The following EGF variants were observed in gnomAD, a reference collection of about 807,000 sequenced individuals.
EGF encodes epidermal growth factor, also known as pro-epidermal growth factor.
A neutral mutation model predicts 143.8 loss-of-function variants in EGF; 95 were observed. The ratio of observed to expected loss-of-function variants is 0.66; its 90% CI spans 0.56 to 0.78. The LOEUF (loss-of-function observed/expected upper bound fraction) is 0.78, where lower values mean the gene tolerates loss of function less well. EGF is among the 30% of genes least tolerant of loss of function. EGF has a pLI of 0.00. For synonymous variants in EGF, 510 were observed against 510.5 expected, an observed-to-expected ratio of 1.00 and a Z score of 0.01; for missense variants, 1,320 against 1,470.9, an observed-to-expected ratio of 0.90 and a Z score of 1.68.
At chr4:109,968,812 C>A in intron 10 of EGF, 159 bp from the exon 11 acceptor site, 2 of 794,372 alleles carry the variant, frequency 2.5e-6, no homozygotes, top group South Asian at 1.6e-5. Flanking sequence ...TAAGGTTACA[C>A]GTATCTGGGA....
chr4:109,971,288 C>G (rs1019849753), intron 11 of EGF, among the ~76,000 whole-genome samples: 1 of 152,146 alleles, frequency 6.6e-6, no homozygotes, highest in African/African-American at 2.4e-5. Context: ...TTAAAATCAA[C>G]TTCAGTTGTA....
chr4:109,914,891 A>C (rs1309937477), intron 1 of EGF, among the ~76,000 whole-genome samples: 2 of 152,160 alleles, frequency 1.3e-5, no homozygotes, highest in African/African-American at 4.8e-5. Flanking sequence ...AAATATCTAG[A>C]GTTGGGCACT....
intron 13 of EGF, among the ~76,000 whole-genome samples, chr4:109,976,909 A>T (rs1407469166): frequency 2.6e-5 from 4 of 152,186 alleles, no homozygotes; most frequent in African/African-American, 4.8e-5. Context: ...AATTTAGTAG[A>T]GGGGCATTGA....
chr4:109,976,204 A>G lies in EGF; in HGVS notation c.2022A>G (p.Ser674=), dbSNP rs754577309. 1 of 1,614,104 alleles carries G rather than the reference A, an allele frequency of 6.2e-7. No homozygotes were observed. The highest frequency in any genetic ancestry group is 8.5e-7 in the Non-Finnish European group (1 of 1,179,994). Reference sequence around the variant, plus strand: ...TTGAAATGGCCAATCTGGATGGTTCAAAACGCCGAAGACTTACCCAGAATG... The same window carrying G: ...TTGAAATGGCCAATCTGGATGGTTCGAAACGCCGAAGACTTACCCAGAATG... ...SVIEMANLDG[S]KRRRLTQNDV... The change falls in exon 13 of 24, where the codon TCA becomes TCG. Residue 674 remains serine (S), a synonymous_variant. Transcript: ENST00000265171.
At chr4:109,967,426 C>T (rs1433467003) in intron 10 of EGF, among the ~76,000 whole-genome samples, 1 of 152,168 alleles carries the variant, frequency 6.6e-6, no homozygotes, top group Non-Finnish European at 1.5e-5. Context: ...TAGTACCATA[C>T]TGTTTGGGTT....
chr4:109,932,094 T>A (rs1739804847), intron 1 of EGF, among the ~76,000 whole-genome samples: 1 of 151,942 alleles, frequency 6.6e-6, no homozygotes, highest in Admixed American at 6.6e-5. Flanking sequence ...TTGTTATTAT[T>A]ATTGCTGTTA....
intron 5 of EGF, among the ~76,000 whole-genome samples, chr4:109,952,078 A>G (rs1352457951): frequency 6.6e-6 from 1 of 152,204 alleles, no homozygotes; most frequent in Non-Finnish European, 1.5e-5. Context: ...GATTAAACTT[A>G]TTAGCCAGAT....
At chr4:109,951,938 C>CT (rs1244174584) in intron 5 of EGF, among the ~76,000 whole-genome samples, 1 of 152,184 alleles carries the variant, frequency 6.6e-6, no homozygotes, top group African/African-American at 2.4e-5. Flanking sequence ...CTATTTCTCT[C>CT]TCTCTTTTTA....
chr4:109,944,106 CA>C lies in EGF; in HGVS notation c.737+38del, dbSNP rs1742401270. On this transcript the variant is annotated intron_variant, in intron 4 of 23. Coordinates refer to ENST00000265171, the MANE Select transcript of EGF (RefSeq NM_001963.6). ...TCTTGGTATAAAATAAAACAATTGT[CA>C]TTTGAAGTCCACAAGATAAATTAAT... is the stretch of plus-strand genomic sequence containing the variant. The C allele has an allele frequency of 3.8e-6, 6 of 1,582,928 alleles. No individual in the cohort carries two copies. The African/African-American group carries it at 8.1e-5, about 21-fold the overall frequency.
intron 21 of EGF, among the ~76,000 whole-genome samples, chr4:110,003,481 G>T (rs561648241): frequency 6.6e-6 from 1 of 152,144 alleles, no homozygotes; most frequent in African/African-American, 2.4e-5. Flanking sequence ...CCATCTCTTG[G>T]TACTGTCTGT....
rs753726274 is a variant in EGF, at chr4:109,964,442, C to A, written c.1480C>A (p.Arg494=). 6.2e-7 allele frequency: 1 copy of A among 1,613,912 alleles called. No homozygotes were observed. Among genetic ancestry groups the A allele is most frequent in the Non-Finnish European group, 8.5e-7 (1 of 1,179,866 alleles). ...GCTGTTTGCCAATTCTCAAGATATT[C>A]GACACATGCATTTTGATGGAACAGA... is the stretch of plus-strand genomic sequence containing the variant. ...FLLFANSQDI[R]HMHFDGTDYG... Residue 494 remains arginine, a synonymous_variant, in exon 10 of 24, where the codon CGA becomes AGA. Coordinates refer to ENST00000265171, the MANE Select transcript of EGF (RefSeq NM_001963.6).
intron 1 of EGF, among the ~76,000 whole-genome samples, chr4:109,917,458 T>C (rs144896510): frequency 2.8e-4 from 43 of 152,218 alleles, no homozygotes; most frequent in African/African-American, 9.1e-4. Flanking sequence ...CCTTGGGTAG[T>C]ATGGTTGGTT....
At chr4:109,999,898 G>C (rs1327186097) in intron 21 of EGF, 52 bp downstream of exon 21, 1 of 1,609,258 alleles carries the variant, frequency 6.2e-7, no homozygotes, top group Admixed American at 1.7e-5. Context: ...GACCTCCCAG[G>C]GGAATGCCTG....
At chr4:109,963,033 C>G (rs945964394) in intron 8 of EGF, 140 bp from the exon 9 acceptor site, 46 of 1,030,050 alleles carry the variant, frequency 4.5e-5, no homozygotes, top group Non-Finnish European at 6.0e-5. Context: ...CCATTGCACT[C>G]CAGCCTGGGT....
intron 1 of EGF, among the ~76,000 whole-genome samples, chr4:109,917,395 C>T (rs1208014846): frequency 1.3e-5 from 2 of 152,126 alleles, no homozygotes; most frequent in East Asian, 1.9e-4. Flanking sequence ...AAATTAAAAA[C>T]CTTACTTTAT....
intron 20 of EGF, among the ~76,000 whole-genome samples, 180 bp downstream of exon 20, chr4:109,995,060 G>A (rs1182357568): frequency 1.3e-5 from 2 of 152,156 alleles, no homozygotes; most frequent in African/African-American, 2.4e-5. Flanking sequence ...TGTGTATCAC[G>A]ATGCCCCCTT....
rs754378480 is a variant in EGF, at chr4:109,943,915, C to G, written c.583C>G (p.Leu195Val). 1.2e-6 allele frequency: 2 copies of G among 1,613,986 alleles called. No individual in the cohort carries two copies. The highest frequency in any genetic ancestry group is 1.7e-6 in the Non-Finnish European group (2 of 1,179,974). The change falls in exon 4 of 24, where the codon CTG (leucine) becomes GTG (valine). Residue 195 changes from leucine to valine, a missense_variant. By Grantham distance (32) the Leu-to-Val change is conservative. This residue lies in a region of EGF where 1,186 missense variants were observed against 1,313.7 expected (regional missense o/e 0.90). Coordinates refer to ENST00000265171, the MANE Select transcript of EGF (RefSeq NM_001963.6). ...TCTCGATGGTGTGGGAGTGAAGGCT[C>G]TGTTGGAGACATCAGAGAAAATAAC... is the stretch of plus-strand genomic sequence containing the variant. ...ADLDGVGVKA[L>V]LETSEKITAV...
In EGF at chr4:109,943,292, A is replaced by G; in HGVS notation, c.366A>G (p.Ala122=). The G allele has an allele frequency of 6.2e-7, 1 of 1,608,938 alleles. No homozygotes were observed. The highest frequency in any genetic ancestry group is 8.5e-7 in the Non-Finnish European group (1 of 1,177,688). The stretch of plus-strand genomic sequence containing the variant: ...TAGAGAAAAATGTTTCTGGAATGGC[A>G]ATAAATTGGATAAATGAAGAAGTTA... ...CNIEKNVSGM[A]INWINEEVIW... The change falls in exon 3 of 24, where the codon GCA becomes GCG. Residue 122 remains alanine (A), a synonymous_variant. Coordinates refer to ENST00000265171, the MANE Select transcript of EGF (RefSeq NM_001963.6).
intron 17 of EGF, among the ~76,000 whole-genome samples, chr4:109,988,179 A>G (rs1459373778): frequency 1.3e-5 from 2 of 149,966 alleles, no homozygotes; most frequent in African/African-American, 2.5e-5. Flanking sequence ...CACCAATTCC[A>G]ATGAAAACAC....
Sources: allele counts gnomAD v4.1 joint callset (sites outside exome capture counted in the v4.1 genomes callset), GRCh38; gene constraint gnomAD v4.1.1; regional missense constraint gnomAD v4.1.1; transcripts MANE v1.5; gene names NCBI Gene and HGNC (gene_info 2026-07-23, HGNC 2026-07-21).